ZNF181: variants seen among roughly 807,000 people sequenced by gnomAD.
ZNF181 encodes zinc finger protein 181 (HHZ181).
A neutral mutation model predicts 11.9 loss-of-function variants in ZNF181; 8 were observed. The observed-to-expected ratio is 0.67, with a 90% CI of 0.39 to 1.21. The LOEUF is 1.21. ZNF181 is among the 50% of genes most tolerant of loss of function. The pLI is 0.01. For missense variants in ZNF181, 542 were observed against 670.9 expected, an observed-to-expected ratio of 0.81 and a Z score of 2.12; for synonymous variants, 202 against 221.1, an observed-to-expected ratio of 0.91 and a Z score of 0.77.
In ZNF181 at chr19:34,736,517, G is replaced by A. The variant is rs768434982; in HGVS notation, c.9+1471G>A. Among the ~76,000 whole-genome samples, 3 of 152,132 alleles carry A rather than the reference G, an allele frequency of 2.0e-5. No individual in the cohort carries two copies. The East Asian group carries it at 5.8e-4, about 29-fold the overall frequency. ...GGAAAAGTTGTACATGGATTTTGGT[G>A]TACACTGACACACAGGACTTCATGA... On this transcript the variant is annotated intron_variant, in intron 1 of 3. Coordinates refer to ENST00000492450, the MANE Select transcript of ZNF181 (RefSeq NM_001029997.4).
Position 34,739,518 on chromosome 19 carries a change from G to A in ZNF181, c.131-5G>A. ...GCTTAAACAATTCTGTATTCTTCCT[G>A]TAAGCAGGTCTTTCTGTAACTAAGC... On this transcript the variant is annotated splice_region_variant and splice_polypyrimidine_tract_variant and intron_variant, in intron 2 of 3. Transcript: ENST00000492450. 6.2e-7 allele frequency: 1 copy of A among 1,613,878 alleles called. No homozygotes were observed. The highest frequency in any genetic ancestry group is 1.1e-5 in the South Asian group (1 of 91,074).
rs1418312438 is a variant in ZNF181, at chr19:34,734,429, C to G, written c.-609C>G. The G allele has an allele frequency of 6.5e-6, 1 of 152,864 alleles. No homozygotes were observed. The highest frequency in any genetic ancestry group is 1.9e-4 in the East Asian group (1 of 5,182). The allele number at this position is 152,864 out of a possible 1,614,324, so 9.5% of individuals were successfully genotyped here. ...CGGCGGCGGGGCTCAGGCCCTGGGT[C>G]TGCCCCGCGGTGTGACCCCGGCCGG... On this transcript the variant is annotated 5_prime_UTR_variant, in exon 1 of 4. Transcript: ENST00000492450.
In ZNF181 at chr19:34,741,933, A is replaced by G; in HGVS notation, c.1552A>G (p.Lys518Glu). Reference protein sequence around the residue: ...QRIHTGEKPYKCNECGKAFSK... With the variant: ...QRIHTGEKPYECNECGKAFSK... The stretch of plus-strand genomic sequence containing the variant: ...AATTCACACTGGAGAAAAGCCATAT[A>G]AATGTAATGAGTGTGGGAAAGCTTT... Residue 518 changes from lysine to glutamate, a missense_variant, in exon 4 of 4, where the codon AAA (lysine) becomes GAA (glutamate). Lys to Glu is a moderately conservative substitution (Grantham distance 56, BLOSUM62 1). Transcript: ENST00000492450. The G allele has an allele frequency of 6.2e-7, 1 of 1,613,874 alleles. No individual in the cohort carries two copies. Among genetic ancestry groups the G allele is most frequent in the African/African-American group, 1.3e-5 (1 of 75,040 alleles).
chr19:34,735,443 A>G (rs1048671635), intron 1 of ZNF181, among the ~76,000 whole-genome samples: 3 of 152,130 alleles, frequency 2.0e-5, no homozygotes, highest in Non-Finnish European at 4.4e-5. Flanking sequence ...GAGCTAAGCT[A>G]TACACTGTAT....
At chr19:34,739,050 T>G (rs2068928165) in intron 1 of ZNF181, 98 bp from the exon 2 acceptor site, 1 of 1,556,178 alleles carries the variant, frequency 6.4e-7, no homozygotes, top group Non-Finnish European at 8.7e-7. Context: ...CTCCTGAATC[T>G]TGTTCCATTT....
intron 1 of ZNF181, among the ~76,000 whole-genome samples, chr19:34,738,543 T>G (rs2068920150): frequency 6.6e-6 from 1 of 151,668 alleles, no homozygotes; most frequent in Non-Finnish European, 1.5e-5. Context: ...GTTTTTTTTT[T>G]GTTTTTGTTT....
intron 1 of ZNF181, among the ~76,000 whole-genome samples, chr19:34,738,556 T>G (rs139696688): frequency 0.026 from 3,952 of 151,962 alleles, 69 homozygotes; most frequent in South Asian, 0.083. Context: ...TTTTGTTTTT[T>G]TTTTTGAGAC....
At chr19:34,739,301 G>A (rs1273970450) in intron 2 of ZNF181, 33 bp downstream of exon 2, 4 of 1,609,062 alleles carry the variant, frequency 2.5e-6, no homozygotes, top group Non-Finnish European at 3.4e-6. Flanking sequence ...TCCAGTAGGG[G>A]ACACCTTTCT....
chr19:34,739,747 G>GA, intron 3 of ZNF181, 126 bp downstream of exon 3: 1 of 973,212 alleles, frequency 1.0e-6, no homozygotes, highest in South Asian at 1.9e-5. Context: ...AGATAGAAAT[G>GA]AAAAATTGTG....
rs760521793 is a variant in ZNF181, at chr19:34,741,900, C to T, written c.1519C>T (p.His507Tyr). ...CAGCTGTAGTTCAAACCTTACCGTA[C>T]ATCAGAGAATTCACACTGGAGAAAA... ...TFSCSSNLTV[H>Y]QRIHTGEKPY... The change falls in exon 4 of 4, where the codon CAT (histidine) becomes TAT (tyrosine). Residue 507 changes from histidine (H) to tyrosine (Y), a missense_variant. Coordinates refer to ENST00000492450, the MANE Select transcript of ZNF181 (RefSeq NM_001029997.4). 2 of 1,613,654 alleles carry T rather than the reference C, an allele frequency of 1.2e-6. No individual in the cohort carries two copies. The highest frequency in any genetic ancestry group is 2.7e-5 in the African/African-American group (2 of 74,888).
At chr19:34,739,306 C>T (rs763284815) in intron 2 of ZNF181, 38 bp downstream of exon 2, 2 of 1,607,830 alleles carry the variant, frequency 1.2e-6, no homozygotes, top group African/African-American at 2.7e-5. Flanking sequence ...TAGGGGACAC[C>T]TTTCTTTTGC....
intron 3 of ZNF181, 70 bp downstream of exon 3, chr19:34,739,691 A>T: frequency 1.4e-5 from 21 of 1,529,974 alleles, no homozygotes; most frequent in Non-Finnish European, 1.9e-5. Flanking sequence ...TAGTGAGTTT[A>T]TAGTGAGTGT....
chr19:34,736,016 A>G (rs570144407), intron 1 of ZNF181: 12 of 668,194 alleles, frequency 1.8e-5, no homozygotes, highest in Admixed American at 8.6e-5. Flanking sequence ...GTATATGCAC[A>G]TGCTCATTGT....
At position 34,745,060 on chromosome 19, in the gene ZNF181, ATTACT is replaced by A. The variant is rs935661873; in HGVS notation, c.*2966_*2970del. ...AGTTTTAAGAGAGCAATAAGAGACTATTACTTTGTTATGATAGAAGGTTGGGCTGA... is the reference window on the plus strand; with the variant it reads ...AGTTTTAAGAGAGCAATAAGAGACTATTGTTATGATAGAAGGTTGGGCTGA... On this transcript the variant is annotated 3_prime_UTR_variant, in exon 4 of 4. Transcript: ENST00000492450. 4.6e-5 allele frequency: 7 copies of A among 152,220 alleles called. No individual in the cohort carries two copies. Among genetic ancestry groups the A allele is most frequent in the African/African-American group, 1.7e-4 (7 of 41,450 alleles). 9.4% of individuals were successfully genotyped at this position (152,220 alleles called of 1,614,324 possible). A position where few individuals can be genotyped will look rare whatever the true frequency, so the allele number is the denominator to read the frequency against.
chr19:34,737,274 C>A (rs2068902497), intron 1 of ZNF181, among the ~76,000 whole-genome samples: 1 of 152,148 alleles, frequency 6.6e-6, no homozygotes, highest in Admixed American at 6.5e-5. Context: ...ATTTTCCCAA[C>A]ACCTGGCAAA....
Position 34,741,953 on chromosome 19 carries a change from A to G in ZNF181, c.1572A>G (p.Lys524=), listed in dbSNP as rs2068986125. The stretch of plus-strand genomic sequence containing the variant: ...CATATAAATGTAATGAGTGTGGGAA[A>G]GCTTTTAGCAAAGGCTCAAATCTTA... ...EKPYKCNECG[K]AFSKGSNLTA... The change falls in exon 4 of 4, where the codon AAA becomes AAG. Residue 524 remains lysine, a synonymous_variant. Coordinates refer to ENST00000492450, the MANE Select transcript of ZNF181 (RefSeq NM_001029997.4). 3 of 1,613,746 alleles carry G rather than the reference A, an allele frequency of 1.9e-6. No individual in the cohort carries two copies. Among genetic ancestry groups the G allele is most frequent in the Non-Finnish European group, 2.5e-6 (3 of 1,179,912 alleles).
chr19:34,743,332 A>G lies in ZNF181; in HGVS notation c.*1235A>G, dbSNP rs1191096329. On this transcript the variant is annotated 3_prime_UTR_variant, in exon 4 of 4. Transcript: ENST00000492450. Reference sequence around the variant, plus strand: ...TCTCGCAGGGATGTTATCTGACAAGAAAGATGGATAGCAAATAAATTTGAA... The same window carrying G: ...TCTCGCAGGGATGTTATCTGACAAGGAAGATGGATAGCAAATAAATTTGAA... 1 of 152,214 alleles carries G rather than the reference A, an allele frequency of 6.6e-6. No individual in the cohort carries two copies. Among genetic ancestry groups the G allele is most frequent in the Non-Finnish European group, 1.5e-5 (1 of 68,032 alleles). 9.4% of individuals were successfully genotyped at this position (152,214 alleles called of 1,614,324 possible). A position where few individuals can be genotyped will look rare whatever the true frequency, so the allele number is the denominator to read the frequency against.
chr19:34,742,879 C>T lies in ZNF181; in HGVS notation c.*782C>T, dbSNP rs1469527926. The T allele has an allele frequency of 2.0e-5, 3 of 152,256 alleles. No individual in the cohort carries two copies. Among genetic ancestry groups the T allele is most frequent in the African/African-American group, 7.2e-5 (3 of 41,564 alleles). The allele number at this position is 152,256 out of a possible 1,614,324, so 9.4% of individuals were successfully genotyped here. A position where few individuals can be genotyped will look rare whatever the true frequency, so the allele number is the denominator to read the frequency against. ...TCATTTTGTATATCACAAACTCTTT[C>T]ACTGTGACTATTTCCTGTAAAAAAA... is the stretch of plus-strand genomic sequence containing the variant. On this transcript the variant is annotated 3_prime_UTR_variant, in exon 4 of 4. Transcript: ENST00000492450.
chr19:34,741,459 C>T lies in ZNF181; in HGVS notation c.1078C>T (p.His360Tyr), dbSNP rs267605423. 2 of 1,613,520 alleles carry T rather than the reference C, an allele frequency of 1.2e-6. No homozygotes were observed. The highest frequency in any genetic ancestry group is 1.7e-5 in the Admixed American group (1 of 59,910). Residue 360 changes from histidine (H) to tyrosine (Y), a missense_variant, in exon 4 of 4, where the codon CAT becomes TAT. Physicochemically the swap from His to Tyr is moderately conservative, Grantham distance 83 (BLOSUM62 2). Transcript: ENST00000492450. ...TCGTATATGTGGAAAGGCCTTCATT[C>T]ATAGGTCATCTCTCATTCACCATCA... The part of the protein sequence containing the change: ...ECRICGKAFI[H>Y]RSSLIHHQKI...
Sources: allele counts gnomAD v4.1 joint callset (sites outside exome capture counted in the v4.1 genomes callset), GRCh38; gene constraint gnomAD v4.1.1; transcripts MANE v1.5; gene names NCBI Gene and HGNC (gene_info 2026-07-23, HGNC 2026-07-21).